The following RGS6 variants were observed in gnomAD, a reference collection of about 807,000 sequenced individuals.
RGS6 encodes the protein regulator of G protein signaling 6.
Under a neutral mutation model 78.5 loss-of-function variants are expected in RGS6, and 30 were observed. The ratio of observed to expected loss-of-function variants is 0.38; its 90% CI spans 0.29 to 0.52. RGS6 has a LOEUF of 0.52. RGS6 is among the 20% of genes least tolerant of loss of function. The probability of loss-of-function intolerance (pLI) is 0.85; values close to 1 mark genes in which losing one functional copy is unlikely to be tolerated. For missense variants in RGS6, 495 were observed against 609.7 expected, an observed-to-expected ratio of 0.81 and a Z score of 1.98; for synonymous variants, 206 against 206.0, an observed-to-expected ratio of 1.00 and a Z score of 0.00.
chr14:72,596,061 T>C, the RGS6 span, among the ~76,000 whole-genome samples: 1 of 152,228 alleles, frequency 6.6e-6, no homozygotes, highest in African/African-American at 2.4e-5. Flanking sequence ...CCTGTAGTCA[T>C]TTTTCTATTG....
At chr14:72,582,714 A>G in the RGS6 span, among the ~76,000 whole-genome samples, 1 of 152,174 alleles carries the variant, frequency 6.6e-6, no homozygotes, top group Non-Finnish European at 1.5e-5. Context: ...TCTGTTCATC[A>G]GCATGTAGTG....
At chr14:72,416,320 C>G (rs1479466060) in intron 3 of RGS6, among the ~76,000 whole-genome samples, 2 of 152,068 alleles carry the variant, frequency 1.3e-5, no homozygotes, top group Non-Finnish European at 1.5e-5. Context: ...GACCTTGAGC[C>G]CTGACAAAAG....
chr14:71,941,897 A>G (rs1051517691), intron 1 of RGS6, among the ~76,000 whole-genome samples: 17 of 152,150 alleles, frequency 1.1e-4, no homozygotes, highest in Admixed American at 3.3e-4. Flanking sequence ...TTACAGGCCA[A>G]AATGCCTGTT....
intron 2 of RGS6, among the ~76,000 whole-genome samples, chr14:72,324,246 A>G (rs188311589): frequency 6.6e-6 from 1 of 152,360 alleles, no homozygotes; most frequent in African/African-American, 2.4e-5. Context: ...AAATCAGTCT[A>G]TTCAAAAATG....
At chr14:72,471,286 A>G (rs57450416) in intron 8 of RGS6, among the ~76,000 whole-genome samples, 1,730 of 152,196 alleles carry the variant, frequency 0.011, 41 homozygotes, top group African/African-American at 0.039. Context: ...TGGGTACTCT[A>G]TGTTCCCCAC....
chr14:72,628,486 A>G, the RGS6 span, among the ~76,000 whole-genome samples: 1 of 152,192 alleles, frequency 6.6e-6, no homozygotes, highest in African/African-American at 2.4e-5. Flanking sequence ...GAAATTATCC[A>G]ATAAGAATAT....
the RGS6 span, among the ~76,000 whole-genome samples, chr14:72,586,625 A>G: frequency 1.3e-5 from 2 of 152,106 alleles, no homozygotes; most frequent in African/African-American, 4.8e-5. Context: ...AGGCCTCTTT[A>G]ATCTCCACCC....
At chr14:71,880,006 A>G in the RGS6 span, among the ~76,000 whole-genome samples, 1 of 152,238 alleles carries the variant, frequency 6.6e-6, no homozygotes, top group African/African-American at 2.4e-5. Context: ...ATGTGGAAAT[A>G]AAGTCCAGGC....
intron 3 of RGS6, among the ~76,000 whole-genome samples, chr14:72,434,263 G>C (rs1445529914): frequency 6.6e-6 from 1 of 152,224 alleles, no homozygotes; most frequent in African/African-American, 2.4e-5. Context: ...CTTGACACCA[G>C]GAATTTGAGG....
At chr14:72,301,544 C>T (rs1880167108) in intron 2 of RGS6, among the ~76,000 whole-genome samples, 1 of 152,114 alleles carries the variant, frequency 6.6e-6, no homozygotes, top group Non-Finnish European at 1.5e-5. Context: ...AGAAGCTACC[C>T]CTTGGTTGTA....
chr14:72,271,103 T>A lies in RGS6; in HGVS notation c.85-80992T>A, dbSNP rs2059862270. ...CTGAGAGGCCAGAGGAAGGAGAGAG[T>A]GAGGAAATATTGTACCTCATTAATA... On this transcript the variant is annotated intron_variant, in intron 2 of 17. Transcript: ENST00000553525. Among the ~76,000 whole-genome samples the A allele has an allele frequency of 2.0e-5, 3 of 152,086 alleles. No individual in the cohort carries two copies. The South Asian group carries it at 6.2e-4, about 32-fold the overall frequency.
chr14:71,875,767 C>T, the RGS6 span, among the ~76,000 whole-genome samples: 1 of 152,190 alleles, frequency 6.6e-6, no homozygotes, highest in Non-Finnish European at 1.5e-5. Flanking sequence ...TTCCTGCTTT[C>T]TCTTGTGGGC....
At chr14:72,471,990 A>C (rs1003376606) in intron 8 of RGS6, among the ~76,000 whole-genome samples, 1 of 152,224 alleles carries the variant, frequency 6.6e-6, no homozygotes, top group Admixed American at 6.5e-5. Flanking sequence ...CTGTGATTAC[A>C]TTATAATTGT....
At chr14:72,019,404 C>A (rs187415756) in intron 2 of RGS6, among the ~76,000 whole-genome samples, 1 of 152,148 alleles carries the variant, frequency 6.6e-6, no homozygotes, top group Admixed American at 6.5e-5. Context: ...TGAGAATTAG[C>A]AATTTTTTTC....
At chr14:72,118,348 C>G (rs1462823965) in intron 2 of RGS6, among the ~76,000 whole-genome samples, 1 of 152,180 alleles carries the variant, frequency 6.6e-6, no homozygotes, top group Non-Finnish European at 1.5e-5. Flanking sequence ...TTCCCTCCAT[C>G]TATACCCCAC....
chr14:72,488,688 G>T (rs965280408), intron 12 of RGS6, among the ~76,000 whole-genome samples: 1 of 152,192 alleles, frequency 6.6e-6, no homozygotes, highest in Non-Finnish European at 1.5e-5. Context: ...GAGCCTGCAG[G>T]CTCCTCTTGG....
intron 2 of RGS6, among the ~76,000 whole-genome samples, chr14:72,163,837 T>A (rs2096886505): frequency 6.7e-6 from 1 of 148,750 alleles, no homozygotes; most frequent in Non-Finnish European, 1.5e-5. Context: ...GAGCCAAGAT[T>A]GCACCACTGC....
intron 2 of RGS6, among the ~76,000 whole-genome samples, chr14:72,120,348 G>A (rs150982077): frequency 1.3e-5 from 2 of 152,322 alleles, no homozygotes; most frequent in East Asian, 3.9e-4. Flanking sequence ...TAGAAGAGCA[G>A]TTCTTGTGGA....
At chr14:72,331,236 C>A (rs1180416355) in intron 2 of RGS6, among the ~76,000 whole-genome samples, 3 of 132,702 alleles carry the variant, frequency 2.3e-5, no homozygotes, top group Non-Finnish European at 4.7e-5. Context: ...AGCTTAAAAC[C>A]ACCCTGTCGT....
Sources: gnomAD v4.1 joint callset for allele counts (sites outside exome capture counted in the v4.1 genomes callset) on GRCh38, gnomAD v4.1.1 for gene constraint, MANE v1.5 for transcripts, NCBI Gene and HGNC (gene_info 2026-07-23, HGNC 2026-07-21) for gene names.